VRK2: variants seen among roughly 807,000 people sequenced by gnomAD.
VRK2 encodes VRK serine/threonine kinase 2, also known as serine/threonine-protein kinase VRK2.
In VRK2, 60 loss-of-function variants were observed where a neutral mutation model predicts 57.6. The observed-to-expected ratio is 1.04, with a 90% CI of 0.85 to 1.29. The LOEUF is 1.29. Ranked by LOEUF, VRK2 falls within the 50% of genes most tolerant of loss-of-function variation. The pLI is 0.00. For missense variants in VRK2, 705 were observed against 588.1 expected, an observed-to-expected ratio of 1.20 and a Z score of -2.06; for synonymous variants, 231 against 199.2, an observed-to-expected ratio of 1.16 and a Z score of -1.35.
chr2:58,150,281 T>A (rs1370892213), intron 12 of VRK2, among the ~76,000 whole-genome samples: 1 of 151,528 alleles, frequency 6.6e-6, no homozygotes, highest in African/African-American at 2.4e-5. Flanking sequence ...CACATTTACT[T>A]TCTATAATAT....
At chr2:57,951,349 G>A (rs1282768378) in intron 1 of VRK2, among the ~76,000 whole-genome samples, 1 of 152,172 alleles carries the variant, frequency 6.6e-6, no homozygotes, top group Non-Finnish European at 1.5e-5. Flanking sequence ...GTTGCTTCAT[G>A]CAGACGAGCA....
At chr2:58,132,603 T>C (rs1679381084) in intron 9 of VRK2, among the ~76,000 whole-genome samples, 1 of 152,092 alleles carries the variant, frequency 6.6e-6, no homozygotes, top group Non-Finnish European at 1.5e-5. Context: ...GAATAGCCAG[T>C]TTTTCATTAT....
At chr2:57,972,245 T>TTTGTTTGA (rs1367170203) in intron 1 of VRK2, among the ~76,000 whole-genome samples, 2 of 151,016 alleles carry the variant, frequency 1.3e-5, no homozygotes, top group Admixed American at 6.6e-5. Flanking sequence ...ATGTTTTTTG[T>TTTGTTTGA]TTGTTTGTTT....
intron 1 of VRK2, chr2:58,048,451 G>T (rs1675202078): frequency 3.8e-6 from 3 of 798,980 alleles, no homozygotes; most frequent in African/African-American, 1.9e-5. Context: ...TACATTCTCA[G>T]TGACAGCAAT....
At chr2:58,090,870 G>C (rs1447349441) in intron 7 of VRK2, among the ~76,000 whole-genome samples, 1 of 152,120 alleles carries the variant, frequency 6.6e-6, no homozygotes, top group Admixed American at 6.5e-5. Flanking sequence ...ATTATTCATT[G>C]CTAAATAGAA....
At chr2:58,077,158 T>G (rs953121698) in intron 2 of VRK2, among the ~76,000 whole-genome samples, 4 of 152,042 alleles carry the variant, frequency 2.6e-5, no homozygotes, top group Non-Finnish European at 5.9e-5. Flanking sequence ...TTTTATGAGC[T>G]TAGCGCTCTT....
At chr2:58,094,054 T>C (rs1672770295) in intron 7 of VRK2, among the ~76,000 whole-genome samples, 1 of 152,212 alleles carries the variant, frequency 6.6e-6, no homozygotes, top group African/African-American at 2.4e-5. Flanking sequence ...ACCATGCTGT[T>C]TTGGTTACTG....
At chr2:58,048,392 A>G (rs1675192583) in intron 1 of VRK2, 2 of 395,492 alleles carry the variant, frequency 5.1e-6, no homozygotes, top group South Asian at 2.4e-5. Context: ...TCCCAATCCA[A>G]TCCTGTGTTC....
chr2:58,131,973 A>G, intron 9 of VRK2, 45 bp downstream of exon 9: 1 of 1,610,114 alleles, frequency 6.2e-7, no homozygotes, highest in Non-Finnish European at 8.5e-7. Context: ...CCAGGTCTGA[A>G]GGGATACATT....
At chr2:58,080,521 T>C (rs1670715656) in intron 2 of VRK2, among the ~76,000 whole-genome samples, 1 of 151,938 alleles carries the variant, frequency 6.6e-6, no homozygotes. Flanking sequence ...GTTTTTGACA[T>C]GTATTTTGAA....
At position 58,046,903 on chromosome 2, in the gene VRK2, C is replaced by A; in HGVS notation, c.-6+35C>A. 4 of 985,386 alleles carry A rather than the reference C, an allele frequency of 4.1e-6. No homozygotes were observed. The South Asian group carries it at 1.9e-4, about 46-fold the overall frequency. The allele number at this position is 985,386 out of a possible 1,614,324, so 61.0% of individuals were successfully genotyped here. A position where few individuals can be genotyped will look rare whatever the true frequency, so the allele number is the denominator to read the frequency against. On this transcript the variant is annotated intron_variant, in intron 1 of 12. Coordinates refer to ENST00000340157, the MANE Select transcript of VRK2 (RefSeq NM_006296.7). The stretch of plus-strand genomic sequence containing the variant: ...TTGCTCTGGGGTCTTGGGTGGCGGG[C>A]GGCACCTCCGCTTGCAGTGCCGGAG...
chr2:58,083,564 T>C (rs1671195894), intron 2 of VRK2, among the ~76,000 whole-genome samples: 1 of 151,972 alleles, frequency 6.6e-6, no homozygotes, highest in African/African-American at 2.4e-5. Flanking sequence ...TTAAAGACTT[T>C]ATTCTCATTT....
At chr2:57,938,396 A>G (rs1017669912) in intron 1 of VRK2, among the ~76,000 whole-genome samples, 1 of 152,194 alleles carries the variant, frequency 6.6e-6, no homozygotes, top group Non-Finnish European at 1.5e-5. Flanking sequence ...CCAGTGGAAG[A>G]AAATTGGGTA....
chr2:58,133,613 A>G (rs538287198), intron 9 of VRK2, among the ~76,000 whole-genome samples: 8 of 152,316 alleles, frequency 5.3e-5, no homozygotes, highest in Admixed American at 2.6e-4. Context: ...TACTCTGCCT[A>G]TGCCAGAGGT....
At chr2:57,998,930 C>T (rs1480867698) in intron 1 of VRK2, among the ~76,000 whole-genome samples, 1 of 152,148 alleles carries the variant, frequency 6.6e-6, no homozygotes, top group African/African-American at 2.4e-5. Context: ...GTTATCTGTA[C>T]TGTAAGATCA....
intron 5 of VRK2, 148 bp downstream of exon 5, chr2:58,086,574 C>A: frequency 1.7e-6 from 1 of 595,012 alleles, no homozygotes; most frequent in Non-Finnish European, 2.8e-6. Context: ...AGTGAGGAGA[C>A]TGCAAGTGGC....
chr2:58,093,743 C>T (rs1025124465), intron 7 of VRK2, among the ~76,000 whole-genome samples: 3 of 152,142 alleles, frequency 2.0e-5, no homozygotes, highest in African/African-American at 7.2e-5. Context: ...CTTGCCCATG[C>T]CTGTGTCCTG....
At chr2:57,955,471 A>G (rs1198762978) in intron 1 of VRK2, among the ~76,000 whole-genome samples, 1 of 152,208 alleles carries the variant, frequency 6.6e-6, no homozygotes, top group African/African-American at 2.4e-5. Flanking sequence ...ATTAAAAAGT[A>G]TTATCATCAG....
chr2:57,927,831 G>A (rs570838768), intron 1 of VRK2, among the ~76,000 whole-genome samples: 1 of 152,080 alleles, frequency 6.6e-6, no homozygotes, highest in African/African-American at 2.4e-5. Context: ...TAAAAGTGGG[G>A]TTTTTTTCCT....
Sources: gnomAD v4.1 joint callset for allele counts (sites outside exome capture counted in the v4.1 genomes callset) on GRCh38, gnomAD v4.1.1 for gene constraint, MANE v1.5 for transcripts, NCBI Gene and HGNC (gene_info 2026-07-23, HGNC 2026-07-21) for gene names.